THSD7A: variants seen among roughly 807,000 people sequenced by gnomAD.
The protein encoded by THSD7A is thrombospondin type-1 domain-containing protein 7A.
A neutral mutation model predicts 231.3 loss-of-function variants in THSD7A; 96 were observed. The observed-to-expected ratio is 0.41, with a 90% CI of 0.35 to 0.49. THSD7A has a LOEUF of 0.49. Among genes scored for constraint, THSD7A ranks in the 20% least tolerant of loss-of-function variants. THSD7A has a pLI of 0.05. For synonymous variants in THSD7A, 940 were observed against 743.3 expected, an observed-to-expected ratio of 1.26 and a Z score of -4.30; for missense variants, 2,290 against 2,070.2, an observed-to-expected ratio of 1.11 and a Z score of -2.06.
chr7:11,479,345 G>T (rs886355), intron 7 of THSD7A, among the ~76,000 whole-genome samples: 4 of 152,014 alleles, frequency 2.6e-5, no homozygotes, highest in African/African-American at 9.7e-5. Flanking sequence ...TCTACTTTTC[G>T]CATGGACTTG....
At chr7:11,628,802 T>G (rs1271394963) in intron 2 of THSD7A, among the ~76,000 whole-genome samples, 1 of 152,226 alleles carries the variant, frequency 6.6e-6, no homozygotes, top group Non-Finnish European at 1.5e-5. Context: ...GAAGCAGTTC[T>G]CTGGTTCTGA....
At position 11,705,452 on chromosome 7, in the gene THSD7A, T is replaced by C. The variant is rs975885452; in HGVS notation, c.191-68491A>G. On this transcript the variant is annotated intron_variant, in intron 1 of 27. Transcript: ENST00000423059. The stretch of plus-strand genomic sequence containing the variant: ...GTTGACTCAGTAATAGCCACTTTCA[T>C]TGGGTGTCAGAGTGATTCTAGGAAT... 2.6e-5 allele frequency among the ~76,000 whole-genome samples: 4 copies of C among 150,950 alleles called. No homozygotes were observed. In the Admixed American group the frequency reaches 2.7e-4, roughly 10 times the overall value.
At chr7:11,824,807 A>G (rs543057780) in intron 1 of THSD7A, among the ~76,000 whole-genome samples, 2 of 152,304 alleles carry the variant, frequency 1.3e-5, no homozygotes, top group Non-Finnish European at 2.9e-5. Flanking sequence ...TATAAAATAC[A>G]AGCAACTATC....
chr7:11,665,585 G>A (rs181553254), intron 1 of THSD7A, among the ~76,000 whole-genome samples: 1 of 152,164 alleles, frequency 6.6e-6, no homozygotes, highest in African/African-American at 2.4e-5. Flanking sequence ...AAGGGGTTTG[G>A]AACACTTATC....
At chr7:11,455,165 G>C (rs1044996533) in intron 11 of THSD7A, among the ~76,000 whole-genome samples, 3 of 151,964 alleles carry the variant, frequency 2.0e-5, no homozygotes, top group Non-Finnish European at 4.4e-5. Flanking sequence ...TAACAGCACA[G>C]TGAGAAGATG....
intron 1 of THSD7A, among the ~76,000 whole-genome samples, chr7:11,700,868 T>A (rs1007775100): frequency 2.6e-5 from 4 of 151,238 alleles, no homozygotes; most frequent in Non-Finnish European, 4.4e-5. Flanking sequence ...GCAAAAAAAA[T>A]TGTTAATTTT....
In THSD7A at chr7:11,373,828, G is replaced by A. The variant is rs189974677; in HGVS notation, c.*1966C>T. On this transcript the variant is annotated 3_prime_UTR_variant, in exon 28 of 28. Coordinates refer to ENST00000423059, the MANE Select transcript of THSD7A (RefSeq NM_015204.3). ...CTGTTTAAGATAAAATAGCATGTTAGTTATATTATTTTTCAAATATCCTGA... is the reference window on the plus strand; with the variant it reads ...CTGTTTAAGATAAAATAGCATGTTAATTATATTATTTTTCAAATATCCTGA... 3.9e-5 allele frequency: 6 copies of A among 152,140 alleles called. No homozygotes were observed. The highest frequency in any genetic ancestry group is 4.1e-4 in the South Asian group (2 of 4,826). 9.4% of individuals were successfully genotyped at this position (152,140 alleles called of 1,614,324 possible).
At chr7:11,401,997 C>T (rs201272059) in intron 22 of THSD7A, 29 bp from the exon 23 acceptor site, 14 of 1,589,132 alleles carry the variant, frequency 8.8e-6, no homozygotes, top group African/African-American at 1.4e-5. Flanking sequence ...TAATTTACAC[C>T]CATATCCACA....
At chr7:11,692,474 A>G (rs1391190116) in intron 1 of THSD7A, among the ~76,000 whole-genome samples, 1 of 151,596 alleles carries the variant, frequency 6.6e-6, no homozygotes, top group African/African-American at 2.4e-5. Flanking sequence ...TTAACAACCG[A>G]ATTTTAAAAA....
intron 1 of THSD7A, among the ~76,000 whole-genome samples, chr7:11,682,384 G>C (rs1049836506): frequency 1.3e-5 from 2 of 151,912 alleles, no homozygotes; most frequent in Non-Finnish European, 2.9e-5. Flanking sequence ...ATGCCCATAG[G>C]CTCAAAGTAA....
chr7:11,544,244 AG>A (rs746379647), intron 4 of THSD7A, among the ~76,000 whole-genome samples: 13 of 152,214 alleles, frequency 8.5e-5, no homozygotes, highest in Non-Finnish European at 1.5e-4. Context: ...TGGGAGGCTG[AG>A]GCAAGAGAAT....
Position 11,411,451 on chromosome 7 carries a change from A to C in THSD7A, c.3683-129T>G. 1.6e-6 allele frequency: 1 copy of C among 642,738 alleles called. No homozygotes were observed. The highest frequency in any genetic ancestry group is 2.7e-6 in the Non-Finnish European group (1 of 369,048). 39.8% of individuals were successfully genotyped at this position (642,738 alleles called of 1,614,324 possible). A position where few individuals can be genotyped will look rare whatever the true frequency, so the allele number is the denominator to read the frequency against. On this transcript the variant is annotated intron_variant, in intron 18 of 27. Transcript: ENST00000423059. The surrounding 1 kb of genome is among the most constrained non-coding windows in gnomAD (Gnocchi z 4.1). ...TAAGCCCCATAATCAATCATCCCCC[A>C]TGCAGAGCATATGGGTCCCAGCTTT...
At chr7:11,617,570 T>G (rs1781150683) in intron 2 of THSD7A, among the ~76,000 whole-genome samples, 1 of 152,224 alleles carries the variant, frequency 6.6e-6, no homozygotes, top group South Asian at 2.1e-4. Context: ...AATATATTTC[T>G]AATATTTTAT....
At chr7:11,645,085 A>G (rs192254697) in intron 1 of THSD7A, among the ~76,000 whole-genome samples, 5 of 152,072 alleles carry the variant, frequency 3.3e-5, no homozygotes, top group Non-Finnish European at 7.4e-5. Flanking sequence ...TCTACATTCT[A>G]TCACTACACC....
At chr7:11,577,322 C>T (rs1358082445) in intron 4 of THSD7A, among the ~76,000 whole-genome samples, 3 of 151,920 alleles carry the variant, frequency 2.0e-5, no homozygotes, top group Non-Finnish European at 4.4e-5. Flanking sequence ...ATTTTATTTA[C>T]TTTTTATTTT....
chr7:11,454,709 T>C (rs988982115), intron 11 of THSD7A, among the ~76,000 whole-genome samples: 1 of 151,978 alleles, frequency 6.6e-6, no homozygotes, highest in African/African-American at 2.4e-5. Context: ...ACATTTTTAA[T>C]ATCTCAAGAG....
At chr7:11,691,105 A>C (rs950485606) in intron 1 of THSD7A, among the ~76,000 whole-genome samples, 14 of 151,772 alleles carry the variant, frequency 9.2e-5, no homozygotes, top group Non-Finnish European at 1.8e-4. Flanking sequence ...CATGGTCTTA[A>C]GGTAACTCCA....
chr7:11,573,983 G>C (rs73059824), intron 4 of THSD7A, among the ~76,000 whole-genome samples: 7,021 of 152,222 alleles, frequency 0.046, 202 homozygotes, highest in South Asian at 0.061. Flanking sequence ...GTACTCTGAT[G>C]TTATAAAAAC....
At chr7:11,397,458 G>A (rs1000832102) in intron 23 of THSD7A, among the ~76,000 whole-genome samples, 29 of 152,098 alleles carry the variant, frequency 1.9e-4, no homozygotes, top group East Asian at 9.6e-4. Flanking sequence ...CGTAAAAACC[G>A]TAGAAGAAAA....
Sources: gnomAD v4.1 joint callset for allele counts (sites outside exome capture counted in the v4.1 genomes callset) on GRCh38, gnomAD v4.1.1 for gene constraint, Gnocchi (gnomAD v3.1) non-coding constraint, MANE v1.5 for transcripts, NCBI Gene and HGNC (gene_info 2026-07-23, HGNC 2026-07-21) for gene names.